Variants in PARVB observed in about 807,000 individuals in gnomAD.
PARVB encodes the protein parvin beta, also known as beta-parvin.
A neutral mutation model predicts 47.0 loss-of-function variants in PARVB; 46 were observed. The ratio of observed to expected loss-of-function variants is 0.98; its 90% confidence interval spans 0.77 to 1.25. PARVB has a LOEUF of 1.25. Among genes scored for constraint, PARVB ranks in the 50% most tolerant of loss-of-function variants. The pLI is 0.00. For missense variants in PARVB, 473 were observed against 471.6 expected, an observed-to-expected ratio of 1.00 and a Z score of -0.03; for synonymous variants, 196 against 196.3, an observed-to-expected ratio of 1.00 and a Z score of 0.01.
At chr22:44,028,037 C>T (rs565225474) in intron 1 of PARVB, among the ~76,000 whole-genome samples, 63 of 151,668 alleles carry the variant, frequency 4.2e-4, no homozygotes, top group Middle Eastern at 6.8e-3. Context: ...TACAAAGTGT[C>T]CCCACCTATC....
At chr22:44,095,644 G>T (rs1046745726) in intron 2 of PARVB, among the ~76,000 whole-genome samples, 1 of 152,236 alleles carries the variant, frequency 6.6e-6, no homozygotes, top group Non-Finnish European at 1.5e-5. Flanking sequence ...CTCACTGCCT[G>T]ATGTAATGGG....
At chr22:44,022,694 G>A (rs1296877269), upstream of PARVB, among the ~76,000 whole-genome samples, 1 of 151,770 alleles carries the variant, frequency 6.6e-6, no homozygotes, top group East Asian at 1.9e-4. Flanking sequence ...ATCCACCATG[G>A]CCTGGCAGGA....
At chr22:44,147,654 C>A in intron 8 of PARVB, 1 of 741,274 alleles carries the variant, frequency 1.3e-6, no homozygotes, top group Non-Finnish European at 2.5e-6. Flanking sequence ...TCTGGTTGTT[C>A]CCAAGCGCTC....
In PARVB at chr22:44,056,436, G is replaced by A. The variant is rs1177511935; in HGVS notation, c.112+31985G>A. Among the ~76,000 whole-genome samples, 20 of 152,276 alleles carry A rather than the reference G, an allele frequency of 1.3e-4. 1 individual carries two copies. In the South Asian group the frequency reaches 1.7e-3, roughly 13 times the overall value. ...CATTTCCTGCCTGCTGAACCAGATC[G>A]GACAAATTACTCTACCTCTCTGTGC... On this transcript the variant is annotated intron_variant, in intron 1 of 12. Coordinates refer to ENST00000338758, the MANE Select transcript of PARVB (RefSeq NM_013327.5).
chr22:44,121,084 A>C (rs1601636116), intron 4 of PARVB, among the ~76,000 whole-genome samples: 1 of 149,684 alleles, frequency 6.7e-6, no homozygotes, highest in Non-Finnish European at 1.5e-5. Context: ...CTCATGATCC[A>C]CCCACCTCAG....
At chr22:44,021,063 G>A (rs141977084), upstream of PARVB, among the ~76,000 whole-genome samples, 634 of 152,302 alleles carry the variant, frequency 4.2e-3, 6 homozygotes, top group African/African-American at 0.015. Context: ...GATTATAGAC[G>A]TGAGCCACCA....
rs145232255 is a variant in PARVB, at chr22:44,094,508, G to A, written c.202+491G>A. On this transcript the variant is annotated intron_variant, in intron 2 of 12. Coordinates refer to ENST00000338758, the MANE Select transcript of PARVB (RefSeq NM_013327.5). ...TTGATATTTTATGTATATATTTTTT[G>A]AGATAGAGTCTCACTCTGTTACCCA... is the stretch of plus-strand genomic sequence containing the variant. 5.1e-4 allele frequency among the ~76,000 whole-genome samples: 78 copies of A among 152,098 alleles called. No homozygotes were observed. The East Asian group carries it at 0.014, about 27-fold the overall frequency.
chr22:44,095,005 G>A (rs2052266762), intron 2 of PARVB, among the ~76,000 whole-genome samples: 1 of 149,730 alleles, frequency 6.7e-6, no homozygotes, highest in Non-Finnish European at 1.5e-5. Flanking sequence ...GGAGATTAGG[G>A]TGAGGATATT....
intron 3 of PARVB, chr22:44,107,463 T>C (rs908167602): frequency 7.9e-5 from 12 of 152,250 alleles, no homozygotes; most frequent in African/African-American, 2.9e-4. Context: ...TCTTAGCACG[T>C]AGCGCCTAAA....
chr22:44,147,663 T>C, intron 8 of PARVB, 198 bp from the exon 9 acceptor site: 1 of 747,136 alleles, frequency 1.3e-6, no homozygotes. Flanking sequence ...TCCCAAGCGC[T>C]CTTGCTCGCC....
chr22:44,075,977 T>C (rs973665459), intron 1 of PARVB, among the ~76,000 whole-genome samples: 2 of 152,228 alleles, frequency 1.3e-5, no homozygotes, highest in African/African-American at 4.8e-5. Context: ...GGCCTAGGCC[T>C]GTGCATTGTC....
chr22:44,000,150 C>T (rs1428105092), intron 2 of PARVB, among the ~76,000 whole-genome samples: 1 of 152,204 alleles, frequency 6.6e-6, no homozygotes, highest in Non-Finnish European at 1.5e-5. Context: ...GTGTATTCAG[C>T]AATAGATTCC....
Position 44,157,844 on chromosome 22 carries a change from G to T in PARVB, c.844-138G>T, listed in dbSNP as rs977605824. On this transcript the variant is annotated intron_variant, in intron 10 of 12. Transcript: ENST00000338758. Reference sequence around the variant, plus strand: ...GGGAGGCCGAGCTGCAGTGAGCCTTGATTGCATCAGTGCACTCCAGCCTGG... The same window carrying T: ...GGGAGGCCGAGCTGCAGTGAGCCTTTATTGCATCAGTGCACTCCAGCCTGG... 2.4e-5 allele frequency: 15 copies of T among 613,070 alleles called. No homozygotes were observed. In the African/African-American group the frequency reaches 2.6e-4, roughly 11 times the overall value. 38.0% of individuals were successfully genotyped at this position (613,070 alleles called of 1,614,324 possible).
intron 1 of PARVB, among the ~76,000 whole-genome samples, chr22:44,086,063 C>T (rs890049590): frequency 1.3e-5 from 2 of 152,236 alleles, no homozygotes; most frequent in African/African-American, 4.8e-5. Flanking sequence ...TCAAGCTGAG[C>T]GATCCTTCCG....
intron 7 of PARVB, among the ~76,000 whole-genome samples, chr22:44,138,166 G>T (rs1416468749): frequency 1.3e-5 from 2 of 152,206 alleles, no homozygotes; most frequent in African/African-American, 4.8e-5. Context: ...TGAGAGGTGG[G>T]CTGAGTGCAG....
chr22:44,088,365 A>C (rs1430123224), intron 1 of PARVB, among the ~76,000 whole-genome samples: 1 of 152,170 alleles, frequency 6.6e-6, no homozygotes, highest in Non-Finnish European at 1.5e-5. Context: ...AGTAGGGCAC[A>C]GTGAGGTGCA....
At chr22:44,078,284 T>C (rs1355201724) in intron 1 of PARVB, among the ~76,000 whole-genome samples, 2 of 152,194 alleles carry the variant, frequency 1.3e-5, no homozygotes, top group African/African-American at 2.4e-5. Context: ...CACTTGGAGA[T>C]GTGAACTTTC....
At chr22:44,110,431 C>T (rs2052670467) in intron 3 of PARVB, 3 of 152,160 alleles carry the variant, frequency 2.0e-5, no homozygotes, top group South Asian at 4.2e-4. Context: ...CTTTCTGTTC[C>T]GTGGGTCTGT....
chr22:44,165,176 T>C (rs574416991), intron 12 of PARVB, among the ~76,000 whole-genome samples: 2 of 152,302 alleles, frequency 1.3e-5, no homozygotes, highest in South Asian at 4.2e-4. Context: ...ACTTTTCTTT[T>C]TTGTAGAGAC....
Sources: gnomAD v4.1 joint callset for allele counts (sites outside exome capture counted in the v4.1 genomes callset) on GRCh38, gnomAD v4.1.1 for gene constraint, MANE v1.5 for transcripts, NCBI Gene and HGNC (gene_info 2026-07-23, HGNC 2026-07-21) for gene names.